Variants in DNAH10 observed in about 807,000 individuals in gnomAD.
DNAH10 encodes the protein axonemal beta dynein heavy chain 10.
DNAH10 carries 348 observed loss-of-function variants against 506.6 expected under a neutral mutation model. The observed-to-expected ratio is 0.69, with a 90% CI of 0.63 to 0.75. The LOEUF is 0.75. Ranked by LOEUF, DNAH10 falls within the 30% of genes least tolerant of loss-of-function variation. The probability of loss-of-function intolerance (pLI) is 0.00; values close to 1 mark genes in which losing one functional copy is unlikely to be tolerated. For missense variants in DNAH10, 5,179 were observed against 5,787.1 expected (o/e 0.89, Z 3.41); for synonymous variants, 2,059 against 2,198.6 (o/e 0.94, Z 1.78).
chr12:123,864,906 G>C (rs1856186841), intron 40 of DNAH10, among the ~76,000 whole-genome samples, 176 bp downstream of exon 40: 1 of 152,162 alleles, frequency 6.6e-6, no homozygotes, highest in Admixed American at 6.5e-5. Flanking sequence ...TATCCCAGAA[G>C]TGACTACTTT....
At chr12:123,811,788 C>G (rs536568733) in intron 19 of DNAH10, among the ~76,000 whole-genome samples, 1 of 152,186 alleles carries the variant, frequency 6.6e-6, no homozygotes, top group African/African-American at 2.4e-5. Flanking sequence ...CAGGCGTGAG[C>G]CACTGCGCCT....
intron 51 of DNAH10, among the ~76,000 whole-genome samples, chr12:123,886,694 G>A (rs1378370222): frequency 6.7e-6 from 1 of 149,616 alleles, no homozygotes; most frequent in Non-Finnish European, 1.5e-5. Flanking sequence ...TCTGACAGTC[G>A]CTGGTTGCAA....
chr12:123,815,332 AT>A (rs981868452), intron 21 of DNAH10, among the ~76,000 whole-genome samples: 23 of 151,858 alleles, frequency 1.5e-4, no homozygotes, highest in South Asian at 8.3e-4. Flanking sequence ...TAATTATTTT[AT>A]TTTTTATTGT....
chr12:123,934,882 TG>T, intron 78 of DNAH10, 116 bp downstream of exon 78: 1 of 1,362,510 alleles, frequency 7.3e-7, no homozygotes, highest in Non-Finnish European at 1.0e-6. Context: ...CTAAGCTTTA[TG>T]GGCTGGGGAG....
At chr12:123,843,933 A>C (rs1336220641) in intron 30 of DNAH10, among the ~76,000 whole-genome samples, 1 of 152,242 alleles carries the variant, frequency 6.6e-6, no homozygotes, top group South Asian at 2.1e-4. Context: ...GATAATGACT[A>C]TAGTAATCCG....
chr12:123,849,643 T>C (rs936863989), intron 34 of DNAH10, among the ~76,000 whole-genome samples: 3 of 152,192 alleles, frequency 2.0e-5, no homozygotes. Context: ...TCCACAGTCA[T>C]ACCATGCCTT....
At position 123,762,578 on chromosome 12, in the gene DNAH10, C is replaced by G. The variant is rs1956865972; in HGVS notation, c.214+28C>G. Reference sequence around the variant, plus strand: ...GAGCCTCGACGCGCCGCTCCCTTCCCCGGGCTTCCCTCCTGCCCGTCCCGG... The same window carrying G: ...GAGCCTCGACGCGCCGCTCCCTTCCGCGGGCTTCCCTCCTGCCCGTCCCGG... On this transcript the variant is annotated intron_variant, in intron 1 of 78. Coordinates refer to ENST00000673944, the MANE Select transcript of DNAH10 (RefSeq NM_001372106.1). This position sits in a 1 kb window ranked among gnomAD's most constrained non-coding sequence, Gnocchi z 5.0. 6.5e-7 allele frequency: 1 copy of G among 1,533,176 alleles called. No individual in the cohort carries two copies. The highest frequency in any genetic ancestry group is 8.8e-7 in the Non-Finnish European group (1 of 1,140,642). 95.0% of individuals were successfully genotyped at this position (1,533,176 alleles called of 1,614,324 possible).
At chr12:123,818,579 C>T (rs1462477820) in intron 21 of DNAH10, among the ~76,000 whole-genome samples, 1 of 152,204 alleles carries the variant, frequency 6.6e-6, no homozygotes, top group Non-Finnish European at 1.5e-5. Flanking sequence ...CCGCCTCAGC[C>T]TCCAAAAGTT....
At chr12:123,770,851 T>C (rs1957225023) in intron 2 of DNAH10, among the ~76,000 whole-genome samples, 1 of 152,166 alleles carries the variant, frequency 6.6e-6, no homozygotes. Flanking sequence ...TCTGAATCTG[T>C]ATCAATCAGA....
rs777085442 is a variant in DNAH10 at position 123,887,319 on chromosome 12, G to A, written c.8995+6G>A. On this transcript the variant is annotated splice_donor_region_variant and intron_variant, in intron 52 of 78. Coordinates refer to ENST00000673944, the MANE Select transcript of DNAH10 (RefSeq NM_001372106.1). ...CAACAACATGCTGACCTCAGGTACA[G>A]CCAAGGCTGGCGCCCGCTGTGGCCA... 6.2e-7 allele frequency: 1 copy of A among 1,611,400 alleles called. No homozygotes were observed. The highest frequency in any genetic ancestry group is 1.3e-5 in the African/African-American group (1 of 74,942).
At chr12:123,898,479 A>T (rs1953358257) in intron 55 of DNAH10, among the ~76,000 whole-genome samples, 174 bp from the exon 56 acceptor site, 1 of 152,244 alleles carries the variant, frequency 6.6e-6, no homozygotes, top group Admixed American at 6.5e-5. Flanking sequence ...TCAGAAATAC[A>T]TTCATTTTGG....
At chr12:123,899,174 G>A (rs933407119) in intron 56 of DNAH10, among the ~76,000 whole-genome samples, 6 of 152,058 alleles carry the variant, frequency 3.9e-5, no homozygotes, top group Admixed American at 1.3e-4. Context: ...CCATCGACGC[G>A]GGACTTTCTT....
At chr12:123,833,559 T>C (rs939142056) in intron 27 of DNAH10, among the ~76,000 whole-genome samples, 6 of 152,248 alleles carry the variant, frequency 3.9e-5, no homozygotes, top group Non-Finnish European at 8.8e-5. Context: ...GTGAATGATT[T>C]TCATTTCCAA....
rs1952412717 is a variant in DNAH10, at chr12:123,879,617, TG to T, written c.8467-14del. The T allele has an allele frequency of 1.2e-6, 2 of 1,613,698 alleles. No homozygotes were observed. Among genetic ancestry groups the T allele is most frequent in the African/African-American group, 2.7e-5 (2 of 75,024 alleles). ...CTGTTGTTGAGTTTGGGTCCTTAAG[TG>T]GGCTTCTGTTTCAAGGTACAACAGC... On this transcript the variant is annotated splice_polypyrimidine_tract_variant and intron_variant, in intron 49 of 78. Coordinates refer to ENST00000673944, the MANE Select transcript of DNAH10 (RefSeq NM_001372106.1).
Position 123,813,623 on chromosome 12 carries a change from C to T in DNAH10, c.3604C>T (p.Leu1202Phe), listed in dbSNP as rs1212143355. Residue 1202 changes from leucine (L) to phenylalanine (F), a missense_variant, in exon 20 of 79, where the codon CTC (leucine) becomes TTC (phenylalanine). By Grantham distance (22) the Leu-to-Phe change is conservative. Coordinates refer to ENST00000673944, the MANE Select transcript of DNAH10 (RefSeq NM_001372106.1). ...GTCAGCAAAAGAGGAGCTCTATAAT[C>T]TCCATGAAGAGATGGAGGTACTCAA... ...NESAKEELYN[L>F]HEEMEHLAKN... 2 of 1,614,022 alleles carry T rather than the reference C, an allele frequency of 1.2e-6. No individual in the cohort carries two copies. Among genetic ancestry groups the T allele is most frequent in the Non-Finnish European group, 1.7e-6 (2 of 1,180,010 alleles).
chr12:123,800,772 A>G (rs551792494), intron 15 of DNAH10, among the ~76,000 whole-genome samples: 3 of 152,264 alleles, frequency 2.0e-5, no homozygotes, highest in African/African-American at 7.2e-5. Context: ...TAATCCCAGT[A>G]CTTTGGGAGG....
chr12:123,884,529 C>T lies in DNAH10; in HGVS notation c.8824-2613C>T, dbSNP rs79539753. Among the ~76,000 whole-genome samples the T allele has an allele frequency of 3.9e-3, 594 of 152,312 alleles. 4 individuals carry two copies. Among genetic ancestry groups the T allele is most frequent in the African/African-American group, 0.013 (550 of 41,564 alleles). On this transcript the variant is annotated intron_variant, in intron 51 of 78. Transcript: ENST00000673944. ...CCCGGGCTGCAGATGGCTGGCTTCT[C>T]ATGGCATTCTTACATGGATGGATGA... is the stretch of plus-strand genomic sequence containing the variant.
At chr12:123,783,308 C>T (rs1231896541) in intron 7 of DNAH10, 44 bp downstream of exon 7, 1 of 1,603,908 alleles carries the variant, frequency 6.2e-7, no homozygotes, top group Non-Finnish European at 8.5e-7. Context: ...CCAGGTCATG[C>T]TTACCATGCT....
chr12:123,913,769 C>G lies in DNAH10; in HGVS notation c.10352+454C>G, dbSNP rs76349978. On this transcript the variant is annotated intron_variant, in intron 60 of 78. Coordinates refer to ENST00000673944, the MANE Select transcript of DNAH10 (RefSeq NM_001372106.1). This position sits in a 1 kb window ranked among gnomAD's most constrained non-coding sequence, Gnocchi z 5.1. ...GCTGTTTGATATTTATGGGCAAGAC[C>G]GCTTGGCCACAGCTTATTCACCAAA... 0.089 allele frequency among the ~76,000 whole-genome samples: 13,613 copies of G among 152,234 alleles called. 686 individuals are homozygous for G. The highest frequency in any genetic ancestry group is 0.14 in the Middle Eastern group (41 of 294).
Sources: gnomAD v4.1 joint callset for allele counts (sites outside exome capture counted in the v4.1 genomes callset) on GRCh38, gnomAD v4.1.1 for gene constraint, Gnocchi (gnomAD v3.1) non-coding constraint, MANE v1.5 for transcripts, NCBI Gene and HGNC (gene_info 2026-07-23, HGNC 2026-07-21) for gene names.